The following ZKSCAN7 variants were observed in gnomAD, a reference collection of about 807,000 sequenced individuals.
ZKSCAN7 encodes zinc finger protein with KRAB and SCAN domains 7.
ZKSCAN7 carries 38 observed loss-of-function variants against 65.3 expected under a neutral mutation model. The observed-to-expected ratio is 0.58, with a 90% CI of 0.45 to 0.76. ZKSCAN7 has a LOEUF of 0.76. ZKSCAN7 is among the 30% of genes least tolerant of loss of function. ZKSCAN7 has a pLI of 0.00. For missense variants in ZKSCAN7, 815 were observed against 913.3 expected (o/e 0.89, Z 1.39); for synonymous variants, 321 against 321.0 (o/e 1.00, Z 0.00).
At chr3:44,562,687 T>G (rs1699508824) in intron 2 of ZKSCAN7, among the ~76,000 whole-genome samples, 1 of 152,212 alleles carries the variant, frequency 6.6e-6, no homozygotes, top group East Asian at 1.9e-4. Context: ...GCTTAGAAAT[T>G]TCTTCTGCTA....
intron 5 of ZKSCAN7, among the ~76,000 whole-genome samples, chr3:44,581,850 C>G (rs768495134): frequency 9.9e-5 from 15 of 152,138 alleles, no homozygotes; most frequent in Non-Finnish European, 1.6e-4. Context: ...TAGGAAATGT[C>G]AAGAGATGGT....
chr3:44,569,919 C>T lies in ZKSCAN7; in HGVS notation c.812-3C>T. ...AAAGTTGTTGTCTTCTTTCTTTGGG[C>T]AGCAGGTGAGAACATGATGAAGGGT... On this transcript the variant is annotated splice_polypyrimidine_tract_variant and splice_region_variant and intron_variant, in intron 5 of 5. Transcript: ENST00000426540. 6.6e-7 allele frequency: 1 copy of T among 1,516,862 alleles called. No homozygotes were observed. Among genetic ancestry groups the T allele is most frequent in the Non-Finnish European group, 8.8e-7 (1 of 1,135,564 alleles). 94.0% of individuals were successfully genotyped at this position (1,516,862 alleles called of 1,614,324 possible). A position where few individuals can be genotyped will look rare whatever the true frequency, so the allele number is the denominator to read the frequency against.
rs2125724031 is a variant in ZKSCAN7 at position 44,570,360 on chromosome 3, G to A, written c.1250G>A (p.Gly417Glu). ...AAACCCTATGAGTGTAATGAGTGTGGGAAGACCTTCAGGCAAACCTCCCAG... is the reference window on the plus strand; with the variant it reads ...AAACCCTATGAGTGTAATGAGTGTGAGAAGACCTTCAGGCAAACCTCCCAG... ...GEKPYECNEC[G>E]KTFRQTSQLI... is the part of the protein sequence containing the mutation. The change falls in exon 6 of 6, where the codon GGG (glycine) becomes GAG (glutamate). Residue 417 changes from glycine (G) to glutamate (E), a missense_variant. Gly to Glu is a moderately conservative substitution (Grantham distance 98, BLOSUM62 -2). This residue lies in a region of ZKSCAN7 where 578 missense variants were observed against 629.5 expected (regional missense o/e 0.92). Transcript: ENST00000426540. 2.5e-6 allele frequency: 4 copies of A among 1,614,082 alleles called. No homozygotes were observed. The highest frequency in any genetic ancestry group is 2.5e-6 in the Non-Finnish European group (3 of 1,180,004).
intron 2 of ZKSCAN7, among the ~76,000 whole-genome samples, chr3:44,564,446 A>G (rs1699570659): frequency 6.6e-6 from 1 of 152,252 alleles, no homozygotes; most frequent in South Asian, 2.1e-4. Context: ...GGAGCTAGTG[A>G]TCAAGACAAA....
In ZKSCAN7 at chr3:44,580,659, G is replaced by A. The variant is rs529582668; in HGVS notation, c.812-2313G>A. The A allele has an allele frequency of 7.9e-5, 128 of 1,613,896 alleles. No homozygotes were observed. The South Asian group carries it at 1.2e-3, about 15-fold the overall frequency. On this transcript the variant is annotated intron_variant, in intron 5 of 5. Coordinates refer to the ZKSCAN7 transcript ENST00000341840. ...CCGGATGAAATGCTCCTTCTCAGGC[G>A]TCAGAATACACAGGGAGAACCTCTG...
downstream of ZKSCAN7, among the ~76,000 whole-genome samples, chr3:44,575,135 T>TA (rs1699897113): frequency 6.6e-6 from 1 of 151,864 alleles, no homozygotes; most frequent in African/African-American, 2.4e-5. Flanking sequence ...CCTAAATAAA[T>TA]AAAAAAATAT....
At position 44,579,975 on chromosome 3, in the gene ZKSCAN7, T is replaced by TGG. The variant is rs148839493; in HGVS notation, c.812-2989_812-2988dup. 1.9e-3 allele frequency: 2,717 copies of TGG among 1,400,044 alleles called. 1 individual carries two copies. The highest frequency in any genetic ancestry group is 0.018 in the East Asian group (666 of 36,330). 86.7% of individuals were successfully genotyped at this position (1,400,044 alleles called of 1,614,324 possible). A position where few individuals can be genotyped will look rare whatever the true frequency, so the allele number is the denominator to read the frequency against. On this transcript the variant is annotated intron_variant, in intron 5 of 5. Transcript: ENST00000341840. Reference sequence around the variant, plus strand: ...AGCCGAGGCGTCTGGGAGAGGAGCTTGGGGGGGGGCTTCATTGGTGAAGTC... The same window carrying TGG: ...AGCCGAGGCGTCTGGGAGAGGAGCTTGGGGGGGGGGGCTTCATTGGTGAAGTC...
At chr3:44,579,120 G>T (rs1375344298) in intron 5 of ZKSCAN7, among the ~76,000 whole-genome samples, 1 of 152,138 alleles carries the variant, frequency 6.6e-6, no homozygotes, top group Admixed American at 6.5e-5. Flanking sequence ...TGATGCCACC[G>T]CTGCTCGATC....
At position 44,570,812 on chromosome 3, in the gene ZKSCAN7, C is replaced by T. The variant is rs200003223; in HGVS notation, c.1702C>T (p.Arg568Ter). Residue 568 changes from arginine to a stop codon, truncating the protein, a stop_gained, in exon 6 of 6, where the codon CGA (arginine) becomes TGA (stop). Coordinates refer to ENST00000426540, the MANE Select transcript of ZKSCAN7 (RefSeq NM_001288590.2). LOFTEE classifies it high-confidence loss of function. ...KAFSRSKCLI[R>*]HQSLHTGEKP... The stretch of plus-strand genomic sequence containing the variant: ...CTTCAGTCGGAGTAAATGTCTTATT[C>T]GACATCAGAGCCTCCATACTGGGGA... The T allele has an allele frequency of 8.5e-5, 137 of 1,614,078 alleles. No homozygotes were observed. The highest frequency in any genetic ancestry group is 1.1e-4 in the Non-Finnish European group (124 of 1,180,024).
At position 44,571,563 on chromosome 3, in the gene ZKSCAN7, G is replaced by A. The variant is rs1699810797; in HGVS notation, c.*188G>A. 6.9e-7 allele frequency: 1 copy of A among 1,451,724 alleles called. No individual in the cohort carries two copies. Among genetic ancestry groups the A allele is most frequent in the African/African-American group, 1.4e-5 (1 of 70,326 alleles). 89.9% of individuals were successfully genotyped at this position (1,451,724 alleles called of 1,614,324 possible). On this transcript the variant is annotated 3_prime_UTR_variant, in exon 6 of 6. Coordinates refer to ENST00000426540, the MANE Select transcript of ZKSCAN7 (RefSeq NM_001288590.2). ...TTCTTACCCATTATTAGGAAGGTAAGGACTACACATGTCATTGAATTGTAG... is the reference window on the plus strand; with the variant it reads ...TTCTTACCCATTATTAGGAAGGTAAAGACTACACATGTCATTGAATTGTAG...
downstream of ZKSCAN7, among the ~76,000 whole-genome samples, chr3:44,576,008 A>G (rs571279295): frequency 2.0e-5 from 3 of 152,292 alleles, no homozygotes; most frequent in South Asian, 6.2e-4. Context: ...TATAGCAGTT[A>G]TTCCTTAAAG....
chr3:44,570,868 A>G lies in ZKSCAN7; in HGVS notation c.1758A>G (p.Lys586=), dbSNP rs1296530578. The change falls in exon 6 of 6, where the codon AAA becomes AAG. Residue 586 remains lysine, a synonymous_variant. Transcript: ENST00000426540. ...CATACAAATGTAGTGAATGTGGGAA[A>G]GCCTTCAATCAGAACTCTCAACTCA... ...EKPYKCSECG[K]AFNQNSQLIE... 1.9e-6 allele frequency: 3 copies of G among 1,614,242 alleles called. No homozygotes were observed. Among genetic ancestry groups the G allele is most frequent in the Admixed American group, 1.7e-5 (1 of 60,030 alleles).
chr3:44,561,556 C>G (rs1228502713), intron 2 of ZKSCAN7, among the ~76,000 whole-genome samples: 3 of 152,200 alleles, frequency 2.0e-5, no homozygotes, highest in South Asian at 2.1e-4. Flanking sequence ...AGTCCAAAGT[C>G]TCATCTGAGA....
chr3:44,568,459 T>G (rs1366663227), intron 5 of ZKSCAN7, 26 bp downstream of exon 5: 2 of 1,607,896 alleles, frequency 1.2e-6, no homozygotes, highest in Non-Finnish European at 1.7e-6. Context: ...CCTAGTCACT[T>G]AAAGTCTGCA....
intron 5 of ZKSCAN7, among the ~76,000 whole-genome samples, chr3:44,582,082 G>C (rs2125738544): frequency 6.6e-6 from 1 of 152,314 alleles, no homozygotes; most frequent in African/African-American, 2.4e-5. Context: ...TGCCCTGATG[G>C]GGACCAGTAG....
At chr3:44,557,813 A>T (rs1037974771) in intron 2 of ZKSCAN7, among the ~76,000 whole-genome samples, 1 of 152,146 alleles carries the variant, frequency 6.6e-6, no homozygotes, top group African/African-American at 2.4e-5. Flanking sequence ...ACGAGCCTTC[A>T]TTTGAGACAT....
At chr3:44,578,233 C>T in intron 5 of ZKSCAN7, 1 of 1,543,144 alleles carries the variant, frequency 6.5e-7, no homozygotes. Context: ...TTGCGTACTT[C>T]TTGTCCCACA....
intron 2 of ZKSCAN7, among the ~76,000 whole-genome samples, chr3:44,559,231 C>A (rs1699392690): frequency 6.6e-6 from 1 of 152,026 alleles, no homozygotes; most frequent in African/African-American, 2.4e-5. Flanking sequence ...TACAGCAACA[C>A]CTGGATTGAT....
chr3:44,564,477 T>C (rs540133161), intron 2 of ZKSCAN7, among the ~76,000 whole-genome samples: 1 of 152,318 alleles, frequency 6.6e-6, no homozygotes, highest in Admixed American at 6.5e-5. Context: ...CTCAAAAAAC[T>C]CACACTCTGT....
Sources: gnomAD v4.1 joint callset for allele counts (sites outside exome capture counted in the v4.1 genomes callset) on GRCh38, gnomAD v4.1.1 for gene constraint, gnomAD v4.1.1 regional missense constraint, MANE v1.5 for transcripts, NCBI Gene and HGNC (gene_info 2026-07-23, HGNC 2026-07-21) for gene names.